PDE6B: variants seen among roughly 807,000 people sequenced by gnomAD.
PDE6B encodes the protein phosphodiesterase 6B.
A neutral mutation model predicts 109.0 loss-of-function variants in PDE6B; 106 were observed. That is an observed-to-expected ratio of 0.97 (90% CI 0.83 to 1.14). PDE6B has a LOEUF of 1.14. Ranked by LOEUF, PDE6B falls within the 50% of genes most tolerant of loss-of-function variation. PDE6B has a pLI of 0.00. For missense variants in PDE6B, 1,193 were observed against 1,155.6 expected (o/e 1.03, Z -0.47); for synonymous variants, 490 against 471.3 (o/e 1.04, Z -0.51).
At position 662,140 on chromosome 4, in the gene PDE6B, G is replaced by A. The variant is rs1319627398; in HGVS notation, c.1621G>A (p.Val541Met). Reference sequence around the variant, plus strand: ...GTCCTCTCGGCTCCCCCAGGTCCTGGTGCGGTTCCTGTTCTCCATCAGCAA... The same window carrying A: ...GTCCTCTCGGCTCCCCCAGGTCCTGATGCGGTTCCTGTTCTCCATCAGCAA... ...RKFQIPQEVL[V>M]RFLFSISKGY... The change falls in exon 13 of 22, where the codon GTG (valine) becomes ATG (methionine). Residue 541 changes from valine to methionine, a missense_variant. By Grantham distance (21) the Val-to-Met change is conservative. Transcript: ENST00000496514. The surrounding 1 kb of genome is among the most constrained non-coding windows in gnomAD (Gnocchi z 4.3). 1 of 1,547,092 alleles carries A rather than the reference G, an allele frequency of 6.5e-7. No homozygotes were observed. Among genetic ancestry groups the A allele is most frequent in the African/African-American group, 1.4e-5 (1 of 73,482 alleles).
chr4:669,759 C>CCCCATGCTATTTCCCTAT (rs1560143861), intron 21 of PDE6B, among the ~76,000 whole-genome samples: 2 of 150,300 alleles, frequency 1.3e-5, no homozygotes, highest in African/African-American at 4.9e-5. Flanking sequence ...TATTCCCCTA[C>CCCCATGCTATTTCCCTAT]CCCATGCTAT....
Position 665,141 on chromosome 4 carries a change from G to T in PDE6B, c.2194-114G>T. ...GCTCAACCGGAGCCCTGTGTGGTGG[G>T]GACCCCGGGGGTCTGGGGCGGAGAA... On this transcript the variant is annotated intron_variant, in intron 18 of 21. Transcript: ENST00000496514. The surrounding 1 kb of genome is among the most constrained non-coding windows in gnomAD (Gnocchi z 4.0). 1.1e-6 allele frequency: 1 copy of T among 880,990 alleles called. No homozygotes were observed. The highest frequency in any genetic ancestry group is 1.9e-6 in the Non-Finnish European group (1 of 529,644). 54.6% of individuals were successfully genotyped at this position (880,990 alleles called of 1,614,324 possible). A position where few individuals can be genotyped will look rare whatever the true frequency, so the allele number is the denominator to read the frequency against.
At position 663,617 on chromosome 4, in the gene PDE6B, C is replaced by T. The variant is rs958345430; in HGVS notation, c.1921-153C>T. On this transcript the variant is annotated intron_variant, in intron 15 of 21. Coordinates refer to ENST00000496514, the MANE Select transcript of PDE6B (RefSeq NM_000283.4). This position sits in a 1 kb window ranked among gnomAD's most constrained non-coding sequence, Gnocchi z 4.0. ...GAGAGCTGGGCACCCTGAGGAGGGC[C>T]CTGAGCAGCAGGCGGATTAGGGGTC... 2 of 688,124 alleles carry T rather than the reference C, an allele frequency of 2.9e-6. No homozygotes were observed. Among genetic ancestry groups the T allele is most frequent in the Non-Finnish European group, 5.3e-6 (2 of 375,850 alleles). The allele number at this position is 688,124 out of a possible 1,614,324, so 42.6% of individuals were successfully genotyped here. A position where few individuals can be genotyped will look rare whatever the true frequency, so the allele number is the denominator to read the frequency against.
intron 3 of PDE6B, among the ~76,000 whole-genome samples, chr4:641,728 C>T (rs543283851): frequency 6.6e-6 from 1 of 152,308 alleles, no homozygotes; most frequent in South Asian, 2.1e-4. Context: ...CTCACTGCAA[C>T]CTCCACCTCC....
intron 12 of PDE6B, chr4:661,602 A>G (rs183612771): frequency 2.3e-3 from 352 of 155,500 alleles, no homozygotes; most frequent in Non-Finnish European, 3.8e-3. Flanking sequence ...GAAAAAATGT[A>G]TAGAAAATAT....
At chr4:651,298 C>G (rs958907719) in intron 3 of PDE6B, among the ~76,000 whole-genome samples, 1 of 149,722 alleles carries the variant, frequency 6.7e-6, no homozygotes, top group East Asian at 2.0e-4. Context: ...ACAGGCGGGG[C>G]AGGGGCTGAC....
At chr4:628,165 TTCATGAAGTGCAAATCC>T (rs1032993813) in intron 1 of PDE6B, among the ~76,000 whole-genome samples, 12 of 148,644 alleles carry the variant, frequency 8.1e-5, no homozygotes, top group South Asian at 2.1e-4. Context: ...AAAGCAAATC[TTCATGAAGTGCAAATCC>T]TCATGAAGTG....
chr4:654,535 C>T lies in PDE6B; in HGVS notation c.928-289C>T, dbSNP rs551568622. On this transcript the variant is annotated intron_variant, in intron 5 of 21. Transcript: ENST00000496514. ...TTGTGCGGAACACAGACTGGGAAGA[C>T]AGATGTAAACCGCGGCGTGTGATGC... The T allele has an allele frequency of 5.9e-5, 35 of 595,580 alleles. No individual in the cohort carries two copies. In the African/African-American group the frequency reaches 6.3e-4, roughly 11 times the overall value. The allele number at this position is 595,580 out of a possible 1,614,324, so 36.9% of individuals were successfully genotyped here.
At position 664,911 on chromosome 4, in the gene PDE6B, T is replaced by A; in HGVS notation, c.2160T>A (p.Ser720=). ...TGATGATGACAGCCTGCGACCTGTC[T>A]GCCATCACCAAGCCCTGGGAAGTCC... ...MAMMMTACDL[S]AITKPWEVQS... Residue 720 remains serine, a synonymous_variant, in exon 18 of 22, where the codon TCT becomes TCA. Transcript: ENST00000496514. 1 of 1,613,354 alleles carries A rather than the reference T, an allele frequency of 6.2e-7. No individual in the cohort carries two copies.
rs748138553 is a variant in PDE6B at position 662,613 on chromosome 4, G to A, written c.1827G>A (p.Gln609=). ...ACCGCGGCACCAACAACCTGTACCA[G>A]ATGAAGTAGGCACCTCAGGGCGGGC... is the stretch of plus-strand genomic sequence containing the variant. The part of the protein sequence containing the change: ...IDHRGTNNLY[Q]MKSQNPLAKL... The change falls in exon 14 of 22, where the codon CAG becomes CAA. Residue 609 remains glutamine, a synonymous_variant. Transcript: ENST00000496514. The surrounding 1 kb of genome is among the most constrained non-coding windows in gnomAD (Gnocchi z 4.3). The A allele has an allele frequency of 2.3e-5, 36 of 1,589,730 alleles. No homozygotes were observed. The highest frequency in any genetic ancestry group is 2.1e-4 in the African/African-American group (16 of 74,464).
At position 625,702 on chromosome 4, in the gene PDE6B, A is replaced by C. The variant is rs769473166; in HGVS notation, c.76A>C (p.Lys26Gln). ...PDFARQYFGK[K>Q]LSPENVAAAC... ...TTTTGCCCGCCAGTACTTTGGGAAG[A>C]AACTGAGCCCTGAGAATGTGGCCGC... The change falls in exon 1 of 22, where the codon AAA (lysine) becomes CAA (glutamine). Residue 26 changes from lysine to glutamine, a missense_variant. By Grantham distance (53) the Lys-to-Gln change is moderately conservative. Coordinates refer to ENST00000496514, the MANE Select transcript of PDE6B (RefSeq NM_000283.4). This position sits in a 1 kb window ranked among gnomAD's most constrained non-coding sequence, Gnocchi z 5.0. The C allele has an allele frequency of 7.4e-6, 12 of 1,613,812 alleles. No homozygotes were observed. The East Asian group carries it at 2.2e-4, about 30-fold the overall frequency.
In PDE6B at chr4:665,524, C is replaced by G. The variant is rs1436041548; in HGVS notation, c.2268+195C>G. Reference sequence around the variant, plus strand: ...GGGTACAGCTGTGGCTTGGGTGATGCTTATGCAGAGGTGACGTCGTTGGCA... The same window carrying G: ...GGGTACAGCTGTGGCTTGGGTGATGGTTATGCAGAGGTGACGTCGTTGGCA... On this transcript the variant is annotated intron_variant, in intron 19 of 21. Transcript: ENST00000496514. This position sits in a 1 kb window ranked among gnomAD's most constrained non-coding sequence, Gnocchi z 4.0. Among the ~76,000 whole-genome samples the G allele has an allele frequency of 6.6e-6, 1 of 152,102 alleles. No homozygotes were observed. The highest frequency in any genetic ancestry group is 1.5e-5 in the Non-Finnish European group (1 of 68,004).
intron 7 of PDE6B, 87 bp downstream of exon 7, chr4:656,093 G>A (rs948731151): frequency 2.3e-5 from 24 of 1,042,928 alleles, no homozygotes; most frequent in African/African-American, 6.3e-5. Context: ...GCCACGTCCC[G>A]CCCTCCCGGC....
intron 6 of PDE6B, 50 bp from the exon 7 acceptor site, chr4:655,890 C>T (rs372732725): frequency 5.1e-5 from 55 of 1,087,442 alleles, no homozygotes; most frequent in East Asian, 3.5e-4. Context: ...CTCCTGCACG[C>T]GCACATCCAG....
At chr4:637,733 G>A (rs906551167) in intron 3 of PDE6B, among the ~76,000 whole-genome samples, 2 of 152,182 alleles carry the variant, frequency 1.3e-5, no homozygotes, top group African/African-American at 4.8e-5. Flanking sequence ...GCCAGCCCTC[G>A]CTCGTCCCCT....
chr4:666,416 C>A lies in PDE6B; in HGVS notation c.2269-115C>A. On this transcript the variant is annotated intron_variant, in intron 19 of 21. Coordinates refer to ENST00000496514, the MANE Select transcript of PDE6B (RefSeq NM_000283.4). The surrounding 1 kb of genome is among the most constrained non-coding windows in gnomAD (Gnocchi z 5.6). The stretch of plus-strand genomic sequence containing the variant: ...AGAGCCAGTTTCTGTCAGGCAGGCT[C>A]GTCCCAGGCTGTGTCTCCATGAGCA... The A allele has an allele frequency of 1.3e-6, 1 of 749,540 alleles. No homozygotes were observed. Among genetic ancestry groups the A allele is most frequent in the East Asian group, 2.6e-5 (1 of 38,968 alleles). The allele number at this position is 749,540 out of a possible 1,614,324, so 46.4% of individuals were successfully genotyped here. A position where few individuals can be genotyped will look rare whatever the true frequency, so the allele number is the denominator to read the frequency against.
At chr4:627,331 A>G (rs1734161784) in intron 1 of PDE6B, among the ~76,000 whole-genome samples, 2 of 152,208 alleles carry the variant, frequency 1.3e-5, no homozygotes, top group Admixed American at 1.3e-4. Context: ...TTTTTAATAG[A>G]GACAGAGTTT....
rs139938205 is a variant in PDE6B, at chr4:662,535, G to A, written c.1749G>A (p.Thr583=). The A allele has an allele frequency of 8.1e-6, 13 of 1,612,700 alleles. No individual in the cohort carries two copies. Among genetic ancestry groups the A allele is most frequent in the African/African-American group, 6.7e-5 (5 of 75,048 alleles). ...CCGGCAAACTGAAGAGCTACTACACGGACCTGGAGGCCTTCGCCATGGTGA... is the reference window on the plus strand; with the variant it reads ...CCGGCAAACTGAAGAGCTACTACACAGACCTGGAGGCCTTCGCCATGGTGA... ...LMTGKLKSYY[T]DLEAFAMVTA... The change falls in exon 14 of 22, where the codon ACG becomes ACA. Residue 583 remains threonine (T), a synonymous_variant. Coordinates refer to ENST00000496514, the MANE Select transcript of PDE6B (RefSeq NM_000283.4). This position sits in a 1 kb window ranked among gnomAD's most constrained non-coding sequence, Gnocchi z 4.3.
intron 12 of PDE6B, 136 bp from the exon 13 acceptor site, chr4:661,998 A>G (rs1737155531): frequency 4.4e-6 from 3 of 680,330 alleles, no homozygotes; most frequent in Non-Finnish European, 5.4e-6. Flanking sequence ...GGGATGGGGA[A>G]GATCGGGAAG....
Sources: allele counts gnomAD v4.1 joint callset (sites outside exome capture counted in the v4.1 genomes callset), GRCh38; gene constraint gnomAD v4.1.1; non-coding constraint Gnocchi (gnomAD v3.1); transcripts MANE v1.5; gene names NCBI Gene and HGNC (gene_info 2026-07-23, HGNC 2026-07-21).